The following ACSF3 variants were observed in gnomAD, a reference collection of about 807,000 sequenced individuals.
ACSF3 encodes malonate--CoA ligase ACSF3, mitochondrial.
Under a neutral mutation model 53.2 loss-of-function variants are expected in ACSF3, and 78 were observed. The observed-to-expected ratio is 1.47, with a 90% CI of 1.22 to 1.77. ACSF3 has a LOEUF of 1.77. Among genes scored for constraint, ACSF3 ranks in the 40% most tolerant of loss-of-function variants. The pLI, the probability that ACSF3 is intolerant of heterozygous loss-of-function variation, is 0.00. For synonymous variants in ACSF3, 414 were observed against 333.1 expected (o/e 1.24, Z -2.65); for missense variants, 937 against 771.1 (o/e 1.22, Z -2.55).
At chr16:89,112,410 G>C (rs1976804363) in intron 5 of ACSF3, among the ~76,000 whole-genome samples, 164 bp downstream of exon 5, 1 of 150,336 alleles carries the variant, frequency 6.7e-6, no homozygotes, top group African/African-American at 2.4e-5. Flanking sequence ...CTCTCTAACT[G>C]TCTCTCTCTC....
rs868328803 is a variant in ACSF3, at chr16:89,154,878, C to T, written c.*671C>T. Reference sequence around the variant, plus strand: ...ACGGATGGCCCCGGAGCTGCTCTGCCGTGACCCTGCCTCACCCCCCAGCGC... The same window carrying T: ...ACGGATGGCCCCGGAGCTGCTCTGCTGTGACCCTGCCTCACCCCCCAGCGC... On this transcript the variant is annotated 3_prime_UTR_variant, in exon 11 of 11. Coordinates refer to ENST00000614302, the MANE Select transcript of ACSF3 (RefSeq NM_001243279.3). The T allele has an allele frequency of 3.7e-5, 17 of 454,000 alleles. No individual in the cohort carries two copies. The highest frequency in any genetic ancestry group is 5.7e-5 in the Non-Finnish European group (13 of 226,804). The allele number at this position is 454,000 out of a possible 1,614,324, so 28.1% of individuals were successfully genotyped here.
intron 10 of ACSF3, 106 bp downstream of exon 10, chr16:89,146,155 G>T (rs1172539428): frequency 2.4e-6 from 2 of 828,758 alleles, no homozygotes; most frequent in Non-Finnish European, 3.8e-6. Flanking sequence ...TGGAGATGAG[G>T]GATCAAGAAA....
chr16:89,155,740 A>G lies in ACSF3; in HGVS notation c.*1533A>G, dbSNP rs1914648904. The G allele has an allele frequency of 2.2e-6, 1 of 453,886 alleles. No individual in the cohort carries two copies. The highest frequency in any genetic ancestry group is 1.6e-5 in the South Asian group (1 of 64,444). 28.1% of individuals were successfully genotyped at this position (453,886 alleles called of 1,614,324 possible). A position where few individuals can be genotyped will look rare whatever the true frequency, so the allele number is the denominator to read the frequency against. On this transcript the variant is annotated 3_prime_UTR_variant, in exon 11 of 11. Coordinates refer to ENST00000614302, the MANE Select transcript of ACSF3 (RefSeq NM_001243279.3). The stretch of plus-strand genomic sequence containing the variant: ...GGGAAAAGGTCAAATTTAACATAGC[A>G]AAATTTTTACTTAATTCCACTAATT...
intron 9 of ACSF3, 42 bp from the exon 10 acceptor site, chr16:89,145,896 C>G: frequency 6.5e-7 from 1 of 1,549,314 alleles, no homozygotes; most frequent in Non-Finnish European, 8.9e-7. Context: ...GTAAGGGTCA[C>G]TGAGGCATCC....
intron 4 of ACSF3, among the ~76,000 whole-genome samples, chr16:89,109,609 A>G (rs1790632857): frequency 6.6e-6 from 1 of 151,872 alleles, no homozygotes; most frequent in Non-Finnish European, 1.5e-5. Flanking sequence ...ACCAGGTTTC[A>G]CCGTGTTGGC....
At chr16:89,121,783 C>T (rs886913461) in intron 7 of ACSF3, among the ~76,000 whole-genome samples, 15 of 152,328 alleles carry the variant, frequency 9.8e-5, no homozygotes, top group South Asian at 4.1e-4. Flanking sequence ...GCCTTGCTCT[C>T]GTGAGTGAAC....
chr16:89,125,984 G>A (rs1271698007), intron 7 of ACSF3, among the ~76,000 whole-genome samples: 5 of 151,966 alleles, frequency 3.3e-5, no homozygotes, highest in South Asian at 2.1e-4. Context: ...CCGCAAACAC[G>A]GTATATCTCT....
intron 4 of ACSF3, among the ~76,000 whole-genome samples, chr16:89,109,227 C>T (rs12927672): frequency 0.17 from 19,399 of 116,800 alleles, 1,586 homozygotes; most frequent in African/African-American, 0.26. Context: ...GCAAGACTGT[C>T]TCAAAAAAAA....
chr16:89,094,922 G>T (rs988812736), intron 1 of ACSF3, among the ~76,000 whole-genome samples: 1 of 152,186 alleles, frequency 6.6e-6, no homozygotes, highest in African/African-American at 2.4e-5. Flanking sequence ...AAAAAGAAGA[G>T]GTGATATTTG....
chr16:89,113,947 C>T (rs1904549180), intron 5 of ACSF3: 5 of 348,152 alleles, frequency 1.4e-5, no homozygotes, highest in South Asian at 8.9e-5. Context: ...GCCTGCAGCG[C>T]CGTGGCTGTT....
intron 6 of ACSF3, among the ~76,000 whole-genome samples, chr16:89,120,335 C>A (rs888619887): frequency 3.3e-5 from 5 of 152,230 alleles, no homozygotes; most frequent in African/African-American, 1.2e-4. Context: ...CCTGCCTTAG[C>A]CCGTCGTGTG....
At position 89,145,301 on chromosome 16, in the gene ACSF3, G is replaced by A. The variant is rs1912700120; in HGVS notation, c.1401G>A (p.Trp467Ter). 4.3e-6 allele frequency: 7 copies of A among 1,614,130 alleles called. No homozygotes were observed. Among genetic ancestry groups the A allele is most frequent in the Non-Finnish European group, 5.9e-6 (7 of 1,179,984 alleles). The change falls in exon 9 of 11, where the codon TGG (tryptophan) becomes TGA (stop). Residue 467 changes from tryptophan (W) to a stop codon, truncating the protein, a stop_gained. Coordinates refer to ENST00000614302, the MANE Select transcript of ACSF3 (RefSeq NM_001243279.3). LOFTEE classifies it high-confidence loss of function. ...DTVVFKDGQYWIRGRTSVDII... is the reference protein window; with the variant it reads ...DTVVFKDGQY ...TGGTGTTTAAGGATGGCCAGTACTG[G>A]ATCCGAGGCCGGACCTCAGTGGACA...
At chr16:89,117,950 A>G (rs77510906) in intron 6 of ACSF3, among the ~76,000 whole-genome samples, 4,288 of 25,252 alleles carry the variant, frequency 0.17, 6 homozygotes, top group Non-Finnish European at 0.2. Flanking sequence ...CAGAGCCCAC[A>G]GTAGGTTCCC....
chr16:89,142,529 GCAGACACACCCACA>G (rs779688462), intron 8 of ACSF3, among the ~76,000 whole-genome samples: 21,604 of 119,314 alleles, frequency 0.18, 1,741 homozygotes, highest in African/African-American at 0.28. Flanking sequence ...ACCCACACCT[GCAGACACACCCACA>G]CCTGCAGACA....
Position 89,136,516 on chromosome 16 carries a change from A to T in ACSF3, c.1366+3254A>T. 2.4e-6 allele frequency: 3 copies of T among 1,245,584 alleles called. No individual in the cohort carries two copies. The South Asian group carries it at 4.0e-5, about 17-fold the overall frequency. The allele number at this position is 1,245,584 out of a possible 1,614,324, so 77.2% of individuals were successfully genotyped here. The stretch of plus-strand genomic sequence containing the variant: ...GAGAGCATGATATTAAATAGAAATC[A>T]GGAGAAATTAAACTTAACCCTTTCC... On this transcript the variant is annotated intron_variant, in intron 8 of 10. Coordinates refer to ENST00000614302, the MANE Select transcript of ACSF3 (RefSeq NM_001243279.3).
chr16:89,146,066 C>T lies in ACSF3; in HGVS notation c.1613+17C>T, dbSNP rs370053000. 7.0e-5 allele frequency: 31 copies of T among 440,090 alleles called. No individual in the cohort carries two copies. Among genetic ancestry groups the T allele is most frequent in the Admixed American group, 1.3e-4 (5 of 38,980 alleles). The allele number at this position is 440,090 out of a possible 1,614,324, so 27.3% of individuals were successfully genotyped here. ...GTGGGCCAGGTAGGGCTGGGTGGGG[C>T]GGGCAGGGAGCACTCATGGGGTCTT... On this transcript the variant is annotated intron_variant, in intron 10 of 10. Coordinates refer to ENST00000614302, the MANE Select transcript of ACSF3 (RefSeq NM_001243279.3).
At position 89,154,880 on chromosome 16, in the gene ACSF3, T is replaced by A. The variant is rs372923963; in HGVS notation, c.*673T>A. 6 of 454,132 alleles carry A rather than the reference T, an allele frequency of 1.3e-5. No individual in the cohort carries two copies. The highest frequency in any genetic ancestry group is 6.9e-4 in the Middle Eastern group (1 of 1,444). The allele number at this position is 454,132 out of a possible 1,614,324, so 28.1% of individuals were successfully genotyped here. A position where few individuals can be genotyped will look rare whatever the true frequency, so the allele number is the denominator to read the frequency against. Reference sequence around the variant, plus strand: ...GGATGGCCCCGGAGCTGCTCTGCCGTGACCCTGCCTCACCCCCCAGCGCAG... The same window carrying A: ...GGATGGCCCCGGAGCTGCTCTGCCGAGACCCTGCCTCACCCCCCAGCGCAG... On this transcript the variant is annotated 3_prime_UTR_variant, in exon 11 of 11. Transcript: ENST00000614302.
At chr16:89,098,525 A>G in intron 1 of ACSF3, 66 bp from the exon 2 acceptor site, 1 of 391,668 alleles carries the variant, frequency 2.6e-6, no homozygotes, top group East Asian at 7.3e-5. Context: ...TTGAGTGTTG[A>G]GTGTTGTGCC....
chr16:89,116,974 T>C (rs1905229654), intron 6 of ACSF3, among the ~76,000 whole-genome samples: 2 of 152,206 alleles, frequency 1.3e-5, no homozygotes, highest in Admixed American at 1.3e-4. Flanking sequence ...TCTGTCCTTA[T>C]CGTTGTCCTT....
Sources: allele counts gnomAD v4.1 joint callset (sites outside exome capture counted in the v4.1 genomes callset), GRCh38; gene constraint gnomAD v4.1.1; transcripts MANE v1.5; gene names NCBI Gene and HGNC (gene_info 2026-07-23, HGNC 2026-07-21).